ZPBP: variants seen among roughly 807,000 people sequenced by gnomAD.
The protein encoded by ZPBP is zona pellucida-binding protein 1.
ZPBP carries 26 observed loss-of-function variants against 44.8 expected under a neutral mutation model. That is an observed-to-expected ratio of 0.58 (90% confidence interval 0.43 to 0.81). The LOEUF (loss-of-function observed/expected upper bound fraction) is 0.81. Ranked by LOEUF, ZPBP falls within the 30% of genes least tolerant of loss-of-function variation. ZPBP has a pLI of 0.00. For synonymous variants in ZPBP, 174 were observed against 153.2 expected (o/e 1.14, Z -1.00); for missense variants, 409 against 434.0 (o/e 0.94, Z 0.51).
rs183253846 is a variant in ZPBP, at chr7:49,882,245, T to C, written n.509+18873A>G. ...GTTTACATGGAAGTTGTCCAGAGTT[T>C]TCAATTAGGAGGAGGAAGAGAGATT... On this transcript the variant is annotated intron_variant and non_coding_transcript_variant, in intron 2 of 2. Coordinates refer to the ZPBP transcript ENST00000465922. 2.5e-3 allele frequency among the ~76,000 whole-genome samples: 374 copies of C among 152,224 alleles called. 3 individuals carry two copies. Among genetic ancestry groups the C allele is most frequent in the African/African-American group, 8.7e-3 (360 of 41,544 alleles).
At chr7:50,071,948 T>C (rs957287203) in intron 3 of ZPBP, among the ~76,000 whole-genome samples, 2 of 152,174 alleles carry the variant, frequency 1.3e-5, no homozygotes, top group Non-Finnish European at 2.9e-5. Context: ...CATGACCAGC[T>C]GTGGTGGCTA....
At chr7:50,011,557 A>G (rs1379117594) in intron 6 of ZPBP, among the ~76,000 whole-genome samples, 1 of 152,222 alleles carries the variant, frequency 6.6e-6, no homozygotes, top group Admixed American at 6.5e-5. Flanking sequence ...ATTACACCCA[A>G]CATCTACAGA....
At chr7:50,090,503 ATATATATGTG>A (rs538820249) in intron 1 of ZPBP, among the ~76,000 whole-genome samples, 143 of 151,772 alleles carry the variant, frequency 9.4e-4, no homozygotes, top group African/African-American at 3.1e-3. Context: ...ATATGAGTGT[ATATATATGTG>A]TATATATGTG....
At chr7:49,880,947 C>G (rs1791636094) in intron 2 of ZPBP, among the ~76,000 whole-genome samples, 1 of 152,132 alleles carries the variant, frequency 6.6e-6, no homozygotes, top group Non-Finnish European at 1.5e-5. Flanking sequence ...ATCAGTTTAT[C>G]TGGCTTTGGT....
intron 2 of ZPBP, among the ~76,000 whole-genome samples, chr7:49,855,397 C>T (rs1486279248): frequency 6.6e-6 from 1 of 152,120 alleles, no homozygotes; most frequent in Non-Finnish European, 1.5e-5. Context: ...TGACAGGGAC[C>T]TTGTCAGCAT....
In ZPBP at chr7:50,093,110, G is replaced by C; in HGVS notation, c.85C>G (p.Leu29Val). Residue 29 changes from leucine to valine, a missense_variant, in exon 1 of 8, where the codon CTC (leucine) becomes GTC (valine). Physicochemically the swap from Leu to Val is conservative, Grantham distance 32 (BLOSUM62 1). Around this residue, in one of 2 missense-constraint regions of ZPBP, gnomAD observed 367 missense variants for 363.1 expected, o/e 1.01. Transcript: ENST00000046087. ...AGSLLSRAAI[L>V]LFISAFLVRV... ...ACCAGGAAGGCGGAGATAAAGAGGA[G>C]GATGGCGGCCCGAGAGAGCAGGGAG... 8 of 1,592,730 alleles carry C rather than the reference G, an allele frequency of 5.0e-6. No homozygotes were observed. Among genetic ancestry groups the C allele is most frequent in the Non-Finnish European group, 6.8e-6 (8 of 1,170,094 alleles).
chr7:50,029,229 G>A (rs1340755159), intron 5 of ZPBP, among the ~76,000 whole-genome samples: 1 of 152,286 alleles, frequency 6.6e-6, no homozygotes, highest in African/African-American at 2.4e-5. Context: ...ACCATTCAGT[G>A]TGGAAAAGAA....
At chr7:49,982,241 TTA>T (rs1429516978) in intron 7 of ZPBP, among the ~76,000 whole-genome samples, 4 of 106,496 alleles carry the variant, frequency 3.8e-5, no homozygotes, top group African/African-American at 1.5e-4. Flanking sequence ...TATAATATAA[TTA>T]TATTATATAT....
At chr7:50,024,910 G>T (rs1351537000) in intron 5 of ZPBP, among the ~76,000 whole-genome samples, 1 of 151,782 alleles carries the variant, frequency 6.6e-6, no homozygotes, top group African/African-American at 2.4e-5. Context: ...TGCTTGACTT[G>T]CAATAGTTAT....
chr7:49,972,442 G>A (rs1389914699), intron 7 of ZPBP, among the ~76,000 whole-genome samples: 1 of 151,916 alleles, frequency 6.6e-6, no homozygotes, highest in African/African-American at 2.4e-5. Flanking sequence ...CTGTACATTA[G>A]CAATGAATAA....
chr7:49,961,906 T>C (rs986890311), intron 7 of ZPBP, among the ~76,000 whole-genome samples: 1 of 152,078 alleles, frequency 6.6e-6, no homozygotes, highest in Non-Finnish European at 1.5e-5. Flanking sequence ...GGATGATACA[T>C]GTACACTTGC....
downstream of ZPBP, among the ~76,000 whole-genome samples, chr7:49,846,226 G>T (rs577479659): frequency 1.3e-5 from 2 of 152,052 alleles, no homozygotes; most frequent in African/African-American, 2.4e-5. Context: ...GCAAAGAGTC[G>T]CCCCCAAGAC....
At chr7:50,088,024 A>AC in intron 2 of ZPBP, among the ~76,000 whole-genome samples, 1 of 152,074 alleles carries the variant, frequency 6.6e-6, no homozygotes, top group Non-Finnish European at 1.5e-5. Context: ...AATGATTTCA[A>AC]AACTTATTAT....
intron 4 of ZPBP, among the ~76,000 whole-genome samples, chr7:50,053,068 T>TAC (rs1462142452): frequency 1.3e-5 from 2 of 152,024 alleles, no homozygotes; most frequent in Non-Finnish European, 2.9e-5. Flanking sequence ...CAGAATTACA[T>TAC]ACACACACAC....
chr7:49,905,271 G>C (rs1458717019), intron 1 of ZPBP, among the ~76,000 whole-genome samples: 2 of 152,180 alleles, frequency 1.3e-5, no homozygotes, highest in Non-Finnish European at 2.9e-5. Flanking sequence ...CTTATCATGA[G>C]AGTACATGAT....
chr7:49,851,630 C>T (rs1216885848), intron 2 of ZPBP, among the ~76,000 whole-genome samples: 2 of 152,128 alleles, frequency 1.3e-5, no homozygotes, highest in South Asian at 2.1e-4. Context: ...GAGGCCGAGG[C>T]GGGTGGATCA....
chr7:50,005,819 A>G (rs1798279701), intron 6 of ZPBP, among the ~76,000 whole-genome samples: 1 of 115,074 alleles, frequency 8.7e-6, no homozygotes, highest in African/African-American at 3.3e-5. Context: ...CTTCATAACT[A>G]TATATGTGTG....
chr7:49,961,636 T>C (rs1480070650), intron 7 of ZPBP, among the ~76,000 whole-genome samples: 1 of 152,126 alleles, frequency 6.6e-6, no homozygotes, highest in Admixed American at 6.5e-5. Context: ...AGAAGTTACT[T>C]AAGGCAAAAT....
At chr7:49,880,096 C>T (rs562089963) in intron 2 of ZPBP, among the ~76,000 whole-genome samples, 3 of 152,208 alleles carry the variant, frequency 2.0e-5, no homozygotes, top group Admixed American at 6.5e-5. Flanking sequence ...TAATAACTCC[C>T]GTTAGATTTT....
Sources: gnomAD v4.1 joint callset for allele counts (sites outside exome capture counted in the v4.1 genomes callset) on GRCh38, gnomAD v4.1.1 for gene constraint, gnomAD v4.1.1 regional missense constraint, MANE v1.5 for transcripts, NCBI Gene and HGNC (gene_info 2026-07-23, HGNC 2026-07-21) for gene names.